Variants in PRKN observed in about 807,000 individuals in gnomAD.
PRKN encodes the protein E3 ubiquitin-protein ligase parkin.
A neutral mutation model predicts 59.5 loss-of-function variants in PRKN; 56 were observed. That is an observed-to-expected ratio of 0.94 (90% CI 0.76 to 1.18). PRKN has a LOEUF of 1.18. PRKN is among the 50% of genes most tolerant of loss of function. The pLI, the probability that PRKN is intolerant of heterozygous loss-of-function variation, is 0.00. For synonymous variants in PRKN, 250 were observed against 222.1 expected (o/e 1.13, Z -1.12); for missense variants, 657 against 596.4 (o/e 1.10, Z -1.06).
rs528125762 is a variant in PRKN, at chr6:161,451,781, T to C, written c.1084-64904A>G. ...TGGCCCATGAGTGAAACTTAGAGAA[T>C]TAGGGGACTGCTTTGGTCTTGGCAG... On this transcript the variant is annotated intron_variant, in intron 9 of 11. Coordinates refer to ENST00000366898, the MANE Select transcript of PRKN (RefSeq NM_004562.3). The surrounding 1 kb of genome is among the most constrained non-coding windows in gnomAD (Gnocchi z 5.9). Among the ~76,000 whole-genome samples, 5 of 152,136 alleles carry C rather than the reference T, an allele frequency of 3.3e-5. No individual in the cohort carries two copies. Among genetic ancestry groups the C allele is most frequent in the Non-Finnish European group, 7.3e-5 (5 of 68,032 alleles).
chr6:162,198,834 T>C (rs890981853), intron 4 of PRKN, among the ~76,000 whole-genome samples: 4 of 152,130 alleles, frequency 2.6e-5, no homozygotes, highest in African/African-American at 9.7e-5. Context: ...CTCTGGTAAG[T>C]ACCTACTATT....
chr6:161,745,989 C>T (rs1487767822), intron 7 of PRKN, among the ~76,000 whole-genome samples: 1 of 152,162 alleles, frequency 6.6e-6, no homozygotes, highest in African/African-American at 2.4e-5. Flanking sequence ...GGAGGGGAGA[C>T]GAGGCCTCAT....
chr6:162,142,408 A>G (rs1781827104), intron 4 of PRKN, among the ~76,000 whole-genome samples: 1 of 152,118 alleles, frequency 6.6e-6, no homozygotes, highest in Admixed American at 6.6e-5. Context: ...TCTCTGCCTC[A>G]GTTTCCTCAT....
chr6:162,699,383 C>T (rs1778074243), intron 1 of PRKN, among the ~76,000 whole-genome samples: 1 of 152,038 alleles, frequency 6.6e-6, no homozygotes, highest in African/African-American at 2.4e-5. Flanking sequence ...ATATACAAGG[C>T]TAAGACTAGA....
intron 4 of PRKN, among the ~76,000 whole-genome samples, chr6:162,135,758 G>A (rs1046554483): frequency 4.6e-5 from 7 of 152,054 alleles, no homozygotes; most frequent in African/African-American, 1.7e-4. Context: ...CTGAAGGAAT[G>A]GGGGAGGGGA....
At chr6:161,706,923 T>A (rs545640503) in intron 7 of PRKN, among the ~76,000 whole-genome samples, 2 of 152,220 alleles carry the variant, frequency 1.3e-5, no homozygotes, top group African/African-American at 4.8e-5. Flanking sequence ...AAATTTTTAA[T>A]GCTGTTTAAC....
At chr6:162,486,470 T>C (rs1212144992) in intron 1 of PRKN, among the ~76,000 whole-genome samples, 1 of 152,190 alleles carries the variant, frequency 6.6e-6, no homozygotes, top group Non-Finnish European at 1.5e-5. Context: ...GCCATTCCAG[T>C]TGTCTCTGTT....
intron 7 of PRKN, among the ~76,000 whole-genome samples, chr6:161,613,452 A>G (rs934781636): frequency 2.0e-5 from 3 of 152,204 alleles, no homozygotes; most frequent in African/African-American, 7.2e-5. Flanking sequence ...TGAAAATTAC[A>G]TAAACTTAGT....
intron 9 of PRKN, among the ~76,000 whole-genome samples, chr6:161,464,489 T>TTCA (rs1459374394): frequency 9.2e-5 from 14 of 152,220 alleles, no homozygotes; most frequent in African/African-American, 3.1e-4. Context: ...TATACTTTGA[T>TTCA]GAGTTTTGGC....
At chr6:161,867,751 T>TTATTTATTTATG (rs1554236179) in intron 6 of PRKN, among the ~76,000 whole-genome samples, 6 of 141,218 alleles carry the variant, frequency 4.2e-5, no homozygotes, top group African/African-American at 1.5e-4. Flanking sequence ...ATTTATTTAT[T>TTATTTATTTATG]TATTTATTTA....
At chr6:161,725,280 T>C (rs1214630286) in intron 7 of PRKN, among the ~76,000 whole-genome samples, 2 of 152,204 alleles carry the variant, frequency 1.3e-5, no homozygotes, top group Non-Finnish European at 2.9e-5. Context: ...ACCAGGTCTC[T>C]GGAATTATAA....
chr6:162,294,783 A>T (rs1781593769), intron 2 of PRKN, among the ~76,000 whole-genome samples: 1 of 152,204 alleles, frequency 6.6e-6, no homozygotes, highest in Non-Finnish European at 1.5e-5. Flanking sequence ...AAAGAAAAGA[A>T]TAGAAAAAAG....
intron 7 of PRKN, among the ~76,000 whole-genome samples, chr6:161,768,067 G>A (rs7741276): frequency 0.058 from 7,766 of 134,600 alleles, 644 homozygotes; most frequent in African/African-American, 0.19. Context: ...TTCAAATCTA[G>A]TCTAATTAAG....
intron 9 of PRKN, among the ~76,000 whole-genome samples, chr6:161,424,527 G>T (rs1788248484): frequency 6.6e-6 from 1 of 152,054 alleles, no homozygotes; most frequent in Non-Finnish European, 1.5e-5. Flanking sequence ...TTAGCTGGCT[G>T]TTTCAGATTG....
chr6:162,387,154 A>G (rs1383804871), intron 2 of PRKN, among the ~76,000 whole-genome samples: 3 of 151,978 alleles, frequency 2.0e-5, no homozygotes, highest in Non-Finnish European at 4.4e-5. Context: ...GATGTGAATA[A>G]AATGAATGAA....
chr6:161,703,413 G>A (rs1786335941), intron 7 of PRKN, among the ~76,000 whole-genome samples: 1 of 152,162 alleles, frequency 6.6e-6, no homozygotes, highest in African/African-American at 2.4e-5. Context: ...TGAAACATAA[G>A]TTAAAGTCCT....
At chr6:162,086,340 A>T (rs1242713244) in intron 4 of PRKN, among the ~76,000 whole-genome samples, 3 of 152,148 alleles carry the variant, frequency 2.0e-5, no homozygotes, top group Admixed American at 2.0e-4. Context: ...AAAGAAGACT[A>T]GGAATATAAG....
chr6:161,908,856 T>C (rs1419514216), intron 6 of PRKN, among the ~76,000 whole-genome samples: 2 of 152,222 alleles, frequency 1.3e-5, no homozygotes, highest in Non-Finnish European at 1.5e-5. Flanking sequence ...TGTAACTCAC[T>C]GTAATAAACT....
chr6:162,598,408 G>C (rs921660419), intron 1 of PRKN, among the ~76,000 whole-genome samples: 2 of 152,130 alleles, frequency 1.3e-5, no homozygotes, highest in Non-Finnish European at 2.9e-5. Flanking sequence ...TGTGAATACA[G>C]AAGTGAAAAA....
Sources: allele counts gnomAD v4.1 joint callset (sites outside exome capture counted in the v4.1 genomes callset), GRCh38; gene constraint gnomAD v4.1.1; non-coding constraint Gnocchi (gnomAD v3.1); transcripts MANE v1.5; gene names NCBI Gene and HGNC (gene_info 2026-07-23, HGNC 2026-07-21).